AZIN2: variants seen among roughly 807,000 people sequenced by gnomAD.
The protein encoded by AZIN2 is antizyme inhibitor 2, also known as ODC antizyme inhibitor-2.
AZIN2 carries 28 observed loss-of-function variants against 47.8 expected under a neutral mutation model. That is an observed-to-expected ratio of 0.59 (90% confidence interval 0.43 to 0.80). AZIN2 has a LOEUF of 0.80. Ranked by LOEUF, AZIN2 falls within the 30% of genes least tolerant of loss-of-function variation. The pLI, the probability that AZIN2 is intolerant of heterozygous loss-of-function variation, is 0.00. For missense variants in AZIN2, 535 were observed against 582.5 expected (o/e 0.92, Z 0.84); for synonymous variants, 221 against 239.4 (o/e 0.92, Z 0.71).
Position 33,117,895 on chromosome 1 carries a change from C to G in AZIN2, c.1030-7C>G. The G allele has an allele frequency of 6.2e-7, 1 of 1,614,200 alleles. No individual in the cohort carries two copies. The highest frequency in any genetic ancestry group is 2.2e-5 in the East Asian group (1 of 44,884). ...AGAGCTGGCATGGCCATCCCTTCTT[C>G]CTACAGAAACCATCCACGGAGCAGC... On this transcript the variant is annotated splice_region_variant and splice_polypyrimidine_tract_variant and intron_variant, in intron 10 of 11. Transcript: ENST00000294517.
chr1:33,090,453 G>C (rs183099214), intron 5 of AZIN2, among the ~76,000 whole-genome samples: 1 of 152,152 alleles, frequency 6.6e-6, no homozygotes, highest in African/African-American at 2.4e-5. Flanking sequence ...GGCTGAGCCC[G>C]CACACCCTGC....
the AZIN2 span, chr1:33,146,907 G>A: frequency 0.22 from 106,197 of 488,448 alleles, 12,647 homozygotes; most frequent in South Asian, 0.3. Context: ...TGAGGGTTGG[G>A]CAGGGGTTGC....
At chr1:33,159,672 G>A in the AZIN2 span, 24 of 1,593,728 alleles carry the variant, frequency 1.5e-5, no homozygotes, top group African/African-American at 1.2e-4. This position sits in a 1 kb window ranked among gnomAD's most constrained non-coding sequence, Gnocchi z 4.2. Context: ...GGAGGGCCCC[G>A]GCGGGTGGCA....
In AZIN2 at chr1:33,121,265, C is replaced by A. The variant is rs1184984459; in HGVS notation, c.*1083C>A. On this transcript the variant is annotated 3_prime_UTR_variant, in exon 12 of 12. Transcript: ENST00000294517. ...AATTCATATGCAATCATCAAATTCA[C>A]CCTTTTAAATGCAGAAGCCTGGGTG... is the stretch of plus-strand genomic sequence containing the variant. Among the ~76,000 whole-genome samples, 2 of 152,202 alleles carry A rather than the reference C, an allele frequency of 1.3e-5. No individual in the cohort carries two copies. The highest frequency in any genetic ancestry group is 2.9e-5 in the Non-Finnish European group (2 of 68,040).
the AZIN2 span, among the ~76,000 whole-genome samples, chr1:33,137,550 C>T: frequency 6.6e-6 from 1 of 152,052 alleles, no homozygotes; most frequent in East Asian, 1.9e-4. Flanking sequence ...GGCTTAGAAA[C>T]CACCTGGCTA....
chr1:33,165,553 T>C, the AZIN2 span: 8 of 1,608,306 alleles, frequency 5.0e-6, no homozygotes, highest in Non-Finnish European at 6.8e-6. This position sits in a 1 kb window ranked among gnomAD's most constrained non-coding sequence, Gnocchi z 4.0. Context: ...CTGAAGTTGG[T>C]CCTTCAGCTC....
intron 10 of AZIN2, among the ~76,000 whole-genome samples, chr1:33,111,960 A>G (rs993108790): frequency 3.9e-5 from 6 of 152,200 alleles, no homozygotes; most frequent in Non-Finnish European, 8.8e-5. Context: ...AATAAGGAAA[A>G]AAGCAACCCA....
At chr1:33,117,830 C>A in intron 10 of AZIN2, 72 bp from the exon 11 acceptor site, 1 of 1,546,770 alleles carries the variant, frequency 6.5e-7, no homozygotes, top group Non-Finnish European at 8.9e-7. Flanking sequence ...CCATAGAAGG[C>A]TTTTGAGGGA....
the AZIN2 span, chr1:33,165,708 C>T: frequency 1.8e-5 from 11 of 610,662 alleles, no homozygotes; most frequent in Non-Finnish European, 2.7e-5. The surrounding 1 kb of genome is among the most constrained non-coding windows in gnomAD (Gnocchi z 4.0). Flanking sequence ...GTTCAACCAC[C>T]AGCAAGTCCT....
the AZIN2 span, chr1:33,142,636 C>G: frequency 6.6e-6 from 1 of 152,246 alleles, no homozygotes; most frequent in East Asian, 1.9e-4. Context: ...GCTTGGCTCA[C>G]AATTGAGACT....
chr1:33,159,710 C>T, the AZIN2 span: 1 of 1,610,034 alleles, frequency 6.2e-7, no homozygotes, highest in Non-Finnish European at 8.5e-7. The surrounding 1 kb of genome is among the most constrained non-coding windows in gnomAD (Gnocchi z 4.2). Flanking sequence ...GAGGCCACCC[C>T]AGCCAGGAAG....
chr1:33,145,160 GC>G, the AZIN2 span, among the ~76,000 whole-genome samples: 73 of 152,334 alleles, frequency 4.8e-4, no homozygotes, highest in African/African-American at 1.6e-3. Flanking sequence ...AAGACTGACA[GC>G]CTTCCCTGGC....
At chr1:33,124,380 A>G (rs1348542292), downstream of AZIN2, among the ~76,000 whole-genome samples, 2 of 151,564 alleles carry the variant, frequency 1.3e-5, no homozygotes, top group African/African-American at 2.4e-5. This position sits in a 1 kb window ranked among gnomAD's most constrained non-coding sequence, Gnocchi z 4.6. Context: ...CTTTGGGAAG[A>G]TTAATTGAAA....
intron 10 of AZIN2, among the ~76,000 whole-genome samples, chr1:33,107,558 G>A (rs1644075350): frequency 6.6e-6 from 1 of 151,948 alleles, no homozygotes; most frequent in South Asian, 2.1e-4. Flanking sequence ...CCAGCCTGGC[G>A]ACAGAGCCAG....
At chr1:33,153,617 G>A in the AZIN2 span, among the ~76,000 whole-genome samples, 2 of 152,170 alleles carry the variant, frequency 1.3e-5, no homozygotes, top group African/African-American at 2.4e-5. Flanking sequence ...CCTGCACTGG[G>A]GTGATGGCAA....
chr1:33,128,245 G>T (rs146820336), downstream of AZIN2, among the ~76,000 whole-genome samples: 18 of 150,822 alleles, frequency 1.2e-4, no homozygotes, highest in East Asian at 3.3e-3. Context: ...GTGGTGGCAA[G>T]CACCTGCGGT....
At chr1:33,087,095 C>T (rs949429599) in intron 5 of AZIN2, among the ~76,000 whole-genome samples, 3 of 151,826 alleles carry the variant, frequency 2.0e-5, no homozygotes, top group Non-Finnish European at 4.4e-5. Context: ...TTTATGTCTC[C>T]ATAGATAATC....
At chr1:33,140,916 G>A in the AZIN2 span, among the ~76,000 whole-genome samples, 7 of 152,200 alleles carry the variant, frequency 4.6e-5, no homozygotes, top group Non-Finnish European at 1.0e-4. This position sits in a 1 kb window ranked among gnomAD's most constrained non-coding sequence, Gnocchi z 4.0. Flanking sequence ...GGGGGTAGGA[G>A]GAGACACCAG....
intron 6 of AZIN2, among the ~76,000 whole-genome samples, chr1:33,092,667 G>T (rs1183976231): frequency 1.3e-5 from 2 of 152,150 alleles, no homozygotes; most frequent in Admixed American, 6.5e-5. Flanking sequence ...AATGCATTGA[G>T]GTTGGAAACA....
Sources: allele counts gnomAD v4.1 joint callset (sites outside exome capture counted in the v4.1 genomes callset), GRCh38; gene constraint gnomAD v4.1.1; non-coding constraint Gnocchi (gnomAD v3.1); transcripts MANE v1.5; gene names NCBI Gene and HGNC (gene_info 2026-07-23, HGNC 2026-07-21).